Variants in TP53I3 observed in about 807,000 individuals in gnomAD.
TP53I3 encodes tumor protein p53 inducible protein 3.
In TP53I3, 32 loss-of-function variants were observed where a neutral mutation model predicts 27.7. The ratio of observed to expected loss-of-function variants is 1.16; its 90% CI spans 0.87 to 1.55. The LOEUF (loss-of-function observed/expected upper bound fraction) is 1.55, where lower values mean the gene tolerates loss of function less well. TP53I3 is among the 40% of genes most tolerant of loss of function. The probability of loss-of-function intolerance (pLI) is 0.00; values close to 1 mark genes in which losing one functional copy is unlikely to be tolerated. For missense variants in TP53I3, 372 were observed against 412.3 expected (o/e 0.90, Z 0.85); for synonymous variants, 138 against 167.8 (o/e 0.82, Z 1.37).
rs750128704 is a variant in TP53I3 at position 24,083,172 on chromosome 2, C to A, written c.139-20G>T. 90 of 1,579,674 alleles carry A rather than the reference C, an allele frequency of 5.7e-5. No homozygotes were observed. Among genetic ancestry groups the A allele is most frequent in the Middle Eastern group, 3.4e-4 (2 of 5,900 alleles). ...TTGTCTCTGCAGAGAAAGAAGTGCACTAAGTGGTGAGCATGATCAGAAATC... is the reference window on the plus strand; with the variant it reads ...TTGTCTCTGCAGAGAAAGAAGTGCAATAAGTGGTGAGCATGATCAGAAATC... On this transcript the variant is annotated intron_variant, in intron 1 of 4. Coordinates refer to ENST00000238721, the MANE Select transcript of TP53I3 (RefSeq NM_004881.5).
chr2:24,084,355 G>GCAGGA lies in TP53I3; in HGVS notation c.-34_-30dup, dbSNP rs756826462. 31 of 1,376,014 alleles carry GCAGGA rather than the reference G, an allele frequency of 2.3e-5. No individual in the cohort carries two copies. The East Asian group carries it at 2.8e-4, about 13-fold the overall frequency. 85.2% of individuals were successfully genotyped at this position (1,376,014 alleles called of 1,614,324 possible). A position where few individuals can be genotyped will look rare whatever the true frequency, so the allele number is the denominator to read the frequency against. ...GTCTGAGGACACAGGGCAGGGCAGG[G>GCAGGA]CAGGACAGGACAGGGCAGGGCAGGG... On this transcript the variant is annotated 5_prime_UTR_variant, in exon 1 of 5. Transcript: ENST00000238721. The surrounding 1 kb of genome is among the most constrained non-coding windows in gnomAD (Gnocchi z 8.4).
At chr2:24,083,897 G>T (rs575967554) in intron 1 of TP53I3, among the ~76,000 whole-genome samples, 32 of 152,254 alleles carry the variant, frequency 2.1e-4, no homozygotes, top group African/African-American at 7.7e-4. Context: ...TGGCGAACAG[G>T]GTAGCCTGGG....
In TP53I3 at chr2:24,080,808, C is replaced by A. The variant is rs752891061; in HGVS notation, c.619+11G>T. ...TTAAATTCCTGCTGAACTGTAGAAG[C>A]AGTTGTTTACCTTTGGTGAATTTCA... On this transcript the variant is annotated intron_variant, in intron 3 of 4. Transcript: ENST00000238721. The surrounding 1 kb of genome is among the most constrained non-coding windows in gnomAD (Gnocchi z 4.7). 7 of 1,613,922 alleles carry A rather than the reference C, an allele frequency of 4.3e-6. No homozygotes were observed. The Admixed American group carries it at 5.0e-5, about 12-fold the overall frequency.
intron 4 of TP53I3, among the ~76,000 whole-genome samples, chr2:24,078,754 A>C (rs1664868242): frequency 6.6e-6 from 1 of 152,254 alleles, no homozygotes; most frequent in Non-Finnish European, 1.5e-5. Flanking sequence ...GGACTCATAT[A>C]GGCTTAGTGA....
At position 24,077,687 on chromosome 2, in the gene TP53I3, C is replaced by T; in HGVS notation, c.891G>A (p.Leu297=). 3 of 1,614,088 alleles carry T rather than the reference C, an allele frequency of 1.9e-6. No homozygotes were observed. Among genetic ancestry groups the T allele is most frequent in the Non-Finnish European group, 2.5e-6 (3 of 1,179,984 alleles). ...PHFSTEGPQR[L]LPVLDRIYPV... ...GGTAGATTCTGTCCAGAACCGGCAG[C>T]AGACGTTGGGGGCCCTCCGTGGAGA... Residue 297 remains leucine (L), a synonymous_variant, in exon 5 of 5, where the codon CTG becomes CTA. Coordinates refer to ENST00000238721, the MANE Select transcript of TP53I3 (RefSeq NM_004881.5). The surrounding 1 kb of genome is among the most constrained non-coding windows in gnomAD (Gnocchi z 5.5).
In TP53I3 at chr2:24,080,096, C is replaced by T. The variant is rs532845132; in HGVS notation, c.620-456G>A. 6.6e-6 allele frequency among the ~76,000 whole-genome samples: 1 copy of T among 152,310 alleles called. No homozygotes were observed. The highest frequency in any genetic ancestry group is 2.1e-4 in the South Asian group (1 of 4,828). On this transcript the variant is annotated intron_variant, in intron 3 of 4. Transcript: ENST00000238721. The surrounding 1 kb of genome is among the most constrained non-coding windows in gnomAD (Gnocchi z 4.7). ...TGGAGGCCAGGCATGGTGGCTCATG[C>T]CTGTAATCCCAGTACTTTGGGAGGC...
chr2:24,078,665 G>A (rs1419680721), intron 4 of TP53I3, among the ~76,000 whole-genome samples: 1 of 152,056 alleles, frequency 6.6e-6, no homozygotes, highest in African/African-American at 2.4e-5. Flanking sequence ...CTGAAGCCTG[G>A]AGTAAAATGT....
Position 24,077,764 on chromosome 2 carries a change from AAGACAAGGGAAAGG to A in TP53I3, c.817-17_817-4del, listed in dbSNP as rs1449745349. 1 of 1,611,486 alleles carries A rather than the reference AAGACAAGGGAAAGG, an allele frequency of 6.2e-7. No individual in the cohort carries two copies. On this transcript the variant is annotated splice_region_variant and splice_polypyrimidine_tract_variant and intron_variant, in intron 4 of 4. Transcript: ENST00000238721. This position sits in a 1 kb window ranked among gnomAD's most constrained non-coding sequence, Gnocchi z 5.5. ...GCATTCACCAGCATTTGCTTGTACT[AAGACAAGGGAAAGG>A]AGATCATCAGCCTGGGGAGAGAGCC...
intron 4 of TP53I3, chr2:24,078,912 T>A (rs1275958792): frequency 6.6e-6 from 1 of 152,430 alleles, no homozygotes; most frequent in Non-Finnish European, 1.5e-5. Flanking sequence ...TTTGCTATGT[T>A]GCTCAGGCTG....
intron 4 of TP53I3, 176 bp downstream of exon 4, chr2:24,079,268 C>T: frequency 1.6e-6 from 1 of 627,192 alleles, no homozygotes; most frequent in Non-Finnish European, 2.7e-6. Context: ...AAGCTTCTAT[C>T]AACCAATCTG....
chr2:24,082,631 A>C (rs1156743398), intron 2 of TP53I3, among the ~76,000 whole-genome samples: 1 of 152,022 alleles, frequency 6.6e-6, no homozygotes, highest in African/African-American at 2.4e-5. Flanking sequence ...TGATTCTAAG[A>C]AGCTGGGACT....
Position 24,084,492 on chromosome 2 carries a change from C to T in TP53I3, c.-166G>A. The T allele has an allele frequency of 1.1e-6, 1 of 919,168 alleles. No homozygotes were observed. The highest frequency in any genetic ancestry group is 1.8e-5 in the African/African-American group (1 of 57,026). The allele number at this position is 919,168 out of a possible 1,614,324, so 56.9% of individuals were successfully genotyped here. On this transcript the variant is annotated 5_prime_UTR_variant, in exon 1 of 5. Transcript: ENST00000238721. The surrounding 1 kb of genome is among the most constrained non-coding windows in gnomAD (Gnocchi z 8.4). ...GCGCCCCCTGCCGGCCAGCGCCTCG[C>T]TGCCCTGGTCTGCCGCGGACCCGGC...
chr2:24,081,425 C>A (rs1391685116), intron 2 of TP53I3, among the ~76,000 whole-genome samples: 1 of 152,222 alleles, frequency 6.6e-6, no homozygotes, highest in African/African-American at 2.4e-5. Context: ...CCACCGAAAG[C>A]CAGTCCTTCT....
intron 4 of TP53I3, among the ~76,000 whole-genome samples, chr2:24,078,669 A>G (rs1387566663): frequency 6.6e-6 from 1 of 152,156 alleles, no homozygotes; most frequent in Non-Finnish European, 1.5e-5. Flanking sequence ...AGCCTGGAGT[A>G]AAATGTTAGT....
At chr2:24,083,178 G>A (rs779815702) in intron 1 of TP53I3, 26 bp from the exon 2 acceptor site, 2 of 1,566,310 alleles carry the variant, frequency 1.3e-6, no homozygotes, top group South Asian at 2.3e-5. Flanking sequence ...TGCACTAAGT[G>A]GTGAGCATGA....
chr2:24,081,362 A>G (rs1664993717), intron 2 of TP53I3, among the ~76,000 whole-genome samples: 1 of 152,166 alleles, frequency 6.6e-6, no homozygotes, highest in Admixed American at 6.5e-5. Flanking sequence ...ACCAAAATGC[A>G]CATCTCTGAC....
At position 24,077,819 on chromosome 2, in the gene TP53I3, C is replaced by T. The variant is rs1573713437; in HGVS notation, c.817-58G>A. On this transcript the variant is annotated intron_variant, in intron 4 of 4. Coordinates refer to ENST00000238721, the MANE Select transcript of TP53I3 (RefSeq NM_004881.5). This position sits in a 1 kb window ranked among gnomAD's most constrained non-coding sequence, Gnocchi z 5.5. ...GGAGAGAGCCTCACCCTGCCCTCCT[C>T]ATCCTCCTCAGCCTTCTTGCTCTCT... 2.6e-6 allele frequency: 4 copies of T among 1,554,368 alleles called. No individual in the cohort carries two copies. Among genetic ancestry groups the T allele is most frequent in the Admixed American group, 1.9e-5 (1 of 53,848 alleles).
chr2:24,079,383 A>C, intron 4 of TP53I3, 61 bp downstream of exon 4: 1 of 1,558,326 alleles, frequency 6.4e-7, no homozygotes, highest in African/African-American at 1.4e-5. Context: ...TCTCGGGGTA[A>C]TGTAAATGAA....
chr2:24,079,501 C>T lies in TP53I3; in HGVS notation c.759G>A (p.Lys253=), dbSNP rs1341530456. ...TCAGACTTCCTCGCTTAAAAAGTAGCTTTGAAAACAGGGGCCCATTGATGT... is the reference window on the plus strand; with the variant it reads ...TCAGACTTCCTCGCTTAAAAAGTAGTTTTGAAAACAGGGGCCCATTGATGT... ...GGDINGPLFS[K]LLFKRGSLIT... The change falls in exon 4 of 5, where the codon AAG becomes AAA. Residue 253 remains lysine (K), a synonymous_variant. Coordinates refer to ENST00000238721, the MANE Select transcript of TP53I3 (RefSeq NM_004881.5). 6.2e-7 allele frequency: 1 copy of T among 1,614,140 alleles called. No homozygotes were observed. Among genetic ancestry groups the T allele is most frequent in the East Asian group, 2.2e-5 (1 of 44,872 alleles).
Sources: allele counts gnomAD v4.1 joint callset (sites outside exome capture counted in the v4.1 genomes callset), GRCh38; gene constraint gnomAD v4.1.1; non-coding constraint Gnocchi (gnomAD v3.1); transcripts MANE v1.5; gene names NCBI Gene and HGNC (gene_info 2026-07-23, HGNC 2026-07-21).